Variants in DPP10 observed in about 807,000 individuals in gnomAD.
DPP10 encodes dipeptidyl peptidase like 10.
In DPP10, 33 loss-of-function variants were observed where a neutral mutation model predicts 120.9. The observed-to-expected ratio is 0.27, with a 90% confidence interval of 0.21 to 0.37. DPP10 has a LOEUF of 0.37. Among genes scored for constraint, DPP10 ranks in the 10% least tolerant of loss-of-function variants. DPP10 has a pLI of 1.00. For synonymous variants in DPP10, 337 were observed against 326.1 expected, an observed-to-expected ratio of 1.03 and a Z score of -0.36; for missense variants, 816 against 942.8, an observed-to-expected ratio of 0.87 and a Z score of 1.76.
intron 1 of DPP10, among the ~76,000 whole-genome samples, chr2:115,034,925 C>G (rs1704120688): frequency 6.6e-6 from 1 of 152,198 alleles, no homozygotes; most frequent in Non-Finnish European, 1.5e-5. Context: ...TTTCTCACTG[C>G]CTACAGAGTT....
chr2:114,659,842 G>A (rs1184058946), intron 1 of DPP10, among the ~76,000 whole-genome samples: 1 of 152,198 alleles, frequency 6.6e-6, no homozygotes, highest in African/African-American at 2.4e-5. Flanking sequence ...TACACACAGA[G>A]GGAAGAGAGC....
In DPP10 at chr2:115,689,932, G is replaced by C; in HGVS notation, c.576+11G>C. The C allele has an allele frequency of 6.2e-7, 1 of 1,613,380 alleles. No individual in the cohort carries two copies. The highest frequency in any genetic ancestry group is 8.5e-7 in the Non-Finnish European group (1 of 1,179,544). Reference sequence around the variant, plus strand: ...CAAGGGCAGCAGCTGGTAAGCGCAGGCATTGGTATGCACTGAACACTGCCA... The same window carrying C: ...CAAGGGCAGCAGCTGGTAAGCGCAGCCATTGGTATGCACTGAACACTGCCA... On this transcript the variant is annotated intron_variant, in intron 7 of 25. Coordinates refer to ENST00000410059, the MANE Select transcript of DPP10 (RefSeq NM_020868.6).
rs113000212 is a variant in DPP10 at position 115,140,891 on chromosome 2, C to T, written c.61-168348C>T. On this transcript the variant is annotated intron_variant, in intron 1 of 25. Coordinates refer to ENST00000410059, the MANE Select transcript of DPP10 (RefSeq NM_020868.6). ...TATTTTGAGATACTTCTTAGCTATT[C>T]GTGGACAGATCAAAAGATGTGACAT... Among the ~76,000 whole-genome samples the T allele has an allele frequency of 2.7e-4, 39 of 145,364 alleles. 3 individuals carry two copies. The highest frequency in any genetic ancestry group is 7.7e-4 in the African/African-American group (30 of 39,106).
chr2:115,631,957 G>A (rs78295053), intron 5 of DPP10, among the ~76,000 whole-genome samples: 1,951 of 152,194 alleles, frequency 0.013, 34 homozygotes, highest in African/African-American at 0.045. Flanking sequence ...TTCAAGTCCC[G>A]TATATCCCTG....
At chr2:115,112,412 C>T (rs978092855) in intron 1 of DPP10, among the ~76,000 whole-genome samples, 2 of 151,666 alleles carry the variant, frequency 1.3e-5, no homozygotes, top group Non-Finnish European at 2.9e-5. Flanking sequence ...TCTTTATAAA[C>T]ATTTATTGTT....
chr2:115,656,433 A>G (rs1338914907), intron 5 of DPP10, among the ~76,000 whole-genome samples: 1 of 151,492 alleles, frequency 6.6e-6, no homozygotes, highest in Non-Finnish European at 1.5e-5. Context: ...GAATATCACT[A>G]ATGTTTTATA....
At chr2:114,528,392 C>A (rs1685683989) in intron 1 of DPP10, among the ~76,000 whole-genome samples, 1 of 152,120 alleles carries the variant, frequency 6.6e-6, no homozygotes, top group African/African-American at 2.4e-5. Context: ...AGAGTGAACA[C>A]TGTTACTGCA....
intron 1 of DPP10, among the ~76,000 whole-genome samples, chr2:115,216,910 TAC>T (rs2056864488): frequency 2.0e-5 from 3 of 152,124 alleles, no homozygotes; most frequent in Admixed American, 6.5e-5. Flanking sequence ...TACACATATA[TAC>T]ACGTATATAT....
chr2:115,780,467 C>A (rs183197602), intron 15 of DPP10, among the ~76,000 whole-genome samples: 1 of 151,780 alleles, frequency 6.6e-6, no homozygotes, highest in Non-Finnish European at 1.5e-5. Context: ...TGTGGAAATG[C>A]ATATTCCTTC....
chr2:115,014,862 CAAAAA>C (rs144688918), intron 1 of DPP10, among the ~76,000 whole-genome samples: 1 of 118,624 alleles, frequency 8.4e-6, no homozygotes, highest in African/African-American at 3.2e-5. Context: ...GCCTACCAAC[CAAAAA>C]AAAAAAAAAA....
chr2:114,603,202 A>C (rs894873156), intron 1 of DPP10, among the ~76,000 whole-genome samples: 2 of 152,112 alleles, frequency 1.3e-5, no homozygotes, highest in Admixed American at 6.6e-5. Flanking sequence ...ACTCTATATT[A>C]CATACTTAAC....
chr2:114,445,299 A>G (rs1342939120), intron 1 of DPP10, among the ~76,000 whole-genome samples: 1 of 152,142 alleles, frequency 6.6e-6, no homozygotes, highest in Non-Finnish European at 1.5e-5. Context: ...GGAAATAAAT[A>G]ACTTGCATAT....
At chr2:115,246,492 TG>T (rs752531409) in intron 1 of DPP10, among the ~76,000 whole-genome samples, 7 of 152,146 alleles carry the variant, frequency 4.6e-5, no homozygotes, top group Non-Finnish European at 1.0e-4. Context: ...CACTGTAAAC[TG>T]AATGATCAGT....
At chr2:114,549,095 G>C (rs984503243) in intron 1 of DPP10, among the ~76,000 whole-genome samples, 31 of 152,158 alleles carry the variant, frequency 2.0e-4, no homozygotes, top group African/African-American at 7.5e-4. Context: ...GACTGGGAAT[G>C]CATTATGTTC....
chr2:115,310,671 A>G (rs889289547), intron 2 of DPP10, among the ~76,000 whole-genome samples: 3 of 152,168 alleles, frequency 2.0e-5, no homozygotes, highest in Non-Finnish European at 2.9e-5. Flanking sequence ...CTGCAGTACA[A>G]TGTCATTGAG....
chr2:115,110,419 T>G (rs2049157840), intron 1 of DPP10, among the ~76,000 whole-genome samples: 2 of 152,184 alleles, frequency 1.3e-5, no homozygotes, highest in Admixed American at 6.5e-5. Flanking sequence ...GGAGCAATTT[T>G]CCCAGGAGAA....
chr2:114,573,676 CT>C (rs1689830491), intron 1 of DPP10, among the ~76,000 whole-genome samples: 1 of 152,144 alleles, frequency 6.6e-6, no homozygotes, highest in Non-Finnish European at 1.5e-5. Flanking sequence ...GTTTTAAGGG[CT>C]GCTAGGAAAG....
Position 114,507,160 on chromosome 2 carries a change from G to A in DPP10, c.60+64322G>A, listed in dbSNP as rs188344581. On this transcript the variant is annotated intron_variant, in intron 1 of 25. Coordinates refer to ENST00000410059, the MANE Select transcript of DPP10 (RefSeq NM_020868.6). ...CCTCCTGGGCTCAAGTGATAATCCC[G>A]CCTCAGCCTCTCGAATAGCTGAGAC... Among the ~76,000 whole-genome samples the A allele has an allele frequency of 2.9e-3, 436 of 149,040 alleles. 4 individuals are homozygous for A. In the South Asian group the frequency reaches 0.034, roughly 12 times the overall value.
intron 1 of DPP10, among the ~76,000 whole-genome samples, chr2:114,563,327 G>T (rs945283122): frequency 2.6e-5 from 4 of 151,410 alleles, no homozygotes; most frequent in Non-Finnish European, 5.9e-5. Context: ...CACTGAGATG[G>T]TGCCACTGCA....
Sources: gnomAD v4.1 joint callset for allele counts (sites outside exome capture counted in the v4.1 genomes callset) on GRCh38, gnomAD v4.1.1 for gene constraint, MANE v1.5 for transcripts, NCBI Gene and HGNC (gene_info 2026-07-23, HGNC 2026-07-21) for gene names.